SRGAP3: variants seen among roughly 807,000 people sequenced by gnomAD.
The protein encoded by SRGAP3 is SLIT-ROBO Rho GTPase activating protein 3, also known as SLIT-ROBO Rho GTPase-activating protein 3.
A neutral mutation model predicts 121.1 loss-of-function variants in SRGAP3; 39 were observed. The observed-to-expected ratio is 0.32, with a 90% CI of 0.25 to 0.42. The LOEUF (loss-of-function observed/expected upper bound fraction) is 0.42, where lower values mean the gene tolerates loss of function less well. SRGAP3 is among the 10% of genes least tolerant of loss of function. SRGAP3 has a pLI of 1.00. For missense variants in SRGAP3, 1,213 were observed against 1,470.6 expected, an observed-to-expected ratio of 0.82 and a Z score of 2.86; for synonymous variants, 601 against 570.0, an observed-to-expected ratio of 1.05 and a Z score of -0.77.
intron 1 of SRGAP3, among the ~76,000 whole-genome samples, chr3:9,196,966 A>G (rs1021388190): frequency 2.6e-5 from 4 of 152,188 alleles, no homozygotes; most frequent in Non-Finnish European, 5.9e-5. Flanking sequence ...AAAACAACAT[A>G]TTCTTTTCTA....
chr3:9,046,443 G>A (rs1945281886), intron 10 of SRGAP3, among the ~76,000 whole-genome samples: 1 of 152,226 alleles, frequency 6.6e-6, no homozygotes, highest in Non-Finnish European at 1.5e-5. Flanking sequence ...CAGCATGGCT[G>A]CGGCACAGTA....
intron 3 of SRGAP3, among the ~76,000 whole-genome samples, chr3:9,304,537 T>C (rs1299976530): frequency 1.3e-5 from 2 of 152,170 alleles, no homozygotes; most frequent in African/African-American, 2.4e-5. Flanking sequence ...AGGTAGTAAA[T>C]GGCAGAGCTG....
intron 5 of SRGAP3, among the ~76,000 whole-genome samples, chr3:9,061,106 C>A (rs1342968317): frequency 1.3e-5 from 2 of 152,114 alleles, no homozygotes; most frequent in East Asian, 3.9e-4. Context: ...GTGGCATGCA[C>A]CTATAGTCCC....
At chr3:9,157,706 G>C (rs1248075111) in intron 1 of SRGAP3, among the ~76,000 whole-genome samples, 1 of 152,154 alleles carries the variant, frequency 6.6e-6, no homozygotes, top group Non-Finnish European at 1.5e-5. Flanking sequence ...AATTATGCTG[G>C]GGGATACCAG....
At chr3:9,002,678 TTGA>T (rs1334636889) in intron 18 of SRGAP3, among the ~76,000 whole-genome samples, 1 of 151,884 alleles carries the variant, frequency 6.6e-6, no homozygotes, top group Non-Finnish European at 1.5e-5. Flanking sequence ...ATCAATGAAA[TTGA>T]CAAGCCATTA....
intron 3 of SRGAP3, among the ~76,000 whole-genome samples, chr3:9,257,693 A>G (rs1301400975): frequency 1.7e-5 from 2 of 118,580 alleles, no homozygotes; most frequent in East Asian, 2.6e-4. Flanking sequence ...TAAACAAAAT[A>G]GCTCCTTTTT....
rs143514255 is a variant in SRGAP3, at chr3:9,175,510, G to C, written c.68-50593C>G. On this transcript the variant is annotated intron_variant, in intron 1 of 21. Transcript: ENST00000383836. Reference sequence around the variant, plus strand: ...CCCCTGAGGGAAGACACAGCTGGATGGTCCCAGAAGGACCCAGCACGGGGA... The same window carrying C: ...CCCCTGAGGGAAGACACAGCTGGATCGTCCCAGAAGGACCCAGCACGGGGA... Among the ~76,000 whole-genome samples, 309 of 152,316 alleles carry C rather than the reference G, an allele frequency of 2.0e-3. 1 individual carries two copies. The highest frequency in any genetic ancestry group is 7.2e-3 in the African/African-American group (298 of 41,570).
chr3:9,314,341 A>G (rs1955306476), intron 3 of SRGAP3, among the ~76,000 whole-genome samples: 1 of 152,126 alleles, frequency 6.6e-6, no homozygotes, highest in Non-Finnish European at 1.5e-5. Flanking sequence ...GTATCACTTG[A>G]GCCTGGGAGT....
In SRGAP3 at chr3:9,013,796, G is replaced by C; in HGVS notation, c.1860C>G (p.Leu620=). The C allele has an allele frequency of 6.2e-7, 1 of 1,614,212 alleles. No homozygotes were observed. Among genetic ancestry groups the C allele is most frequent in the East Asian group, 2.2e-5 (1 of 44,882 alleles). The change falls in exon 16 of 22, where the codon CTC becomes CTG. Residue 620 remains leucine (L), a synonymous_variant. Transcript: ENST00000383836. ...CAATGACCACGCGGGGAAGGGTGAC[G>C]AGGATTTGTTGGATCTGGTGCACCC... ...AERVHQIQQI[L]VTLPRVVIVV...
intron 3 of SRGAP3, among the ~76,000 whole-genome samples, chr3:9,275,389 G>A (rs1243215345): frequency 6.6e-6 from 1 of 152,040 alleles, no homozygotes; most frequent in African/African-American, 2.4e-5. Flanking sequence ...CTGGTTAATG[G>A]AGTACAACCA....
At chr3:9,194,624 T>A (rs908692226) in intron 1 of SRGAP3, among the ~76,000 whole-genome samples, 7 of 152,136 alleles carry the variant, frequency 4.6e-5, no homozygotes, top group African/African-American at 1.7e-4. Context: ...GGTCATCTGA[T>A]CCCCTATTTT....
intron 14 of SRGAP3, among the ~76,000 whole-genome samples, chr3:9,020,499 A>T (rs541484399): frequency 6.6e-6 from 1 of 152,196 alleles, no homozygotes; most frequent in East Asian, 1.9e-4. Context: ...TCCACACATC[A>T]TTCCTGTGGT....
At chr3:9,248,426 A>C (rs1953902103) in intron 1 of SRGAP3, among the ~76,000 whole-genome samples, 1 of 152,190 alleles carries the variant, frequency 6.6e-6, no homozygotes, top group Non-Finnish European at 1.5e-5. Flanking sequence ...GGCCCAGAGA[A>C]AGAGGCGGAG....
intron 14 of SRGAP3, 137 bp downstream of exon 14, chr3:9,025,124 T>C (rs555160814): frequency 8.2e-6 from 7 of 854,546 alleles, no homozygotes; most frequent in East Asian, 4.9e-5. Flanking sequence ...GCATGTGAAG[T>C]TGGGAAGAGA....
chr3:9,218,954 T>A lies in SRGAP3; in HGVS notation c.67+29931A>T, dbSNP rs1035086414. 6.6e-6 allele frequency among the ~76,000 whole-genome samples: 1 copy of A among 152,228 alleles called. No homozygotes were observed. The highest frequency in any genetic ancestry group is 1.9e-4 in the East Asian group (1 of 5,188). ...TCCCAAAGTGTTGGGATTACAGGCG[T>A]GAGCCACTGCGCCCAGCCTATTTTA... On this transcript the variant is annotated intron_variant, in intron 1 of 21. Coordinates refer to ENST00000383836, the MANE Select transcript of SRGAP3 (RefSeq NM_014850.4). The surrounding 1 kb of genome is among the most constrained non-coding windows in gnomAD (Gnocchi z 5.3).
Position 8,980,738 on chromosome 3 carries a change from GCAA to G in SRGAP3, c.*4778_*4780del. The stretch of plus-strand genomic sequence containing the variant: ...GTAGAGAAACGATATCCAGAAGAGG[GCAA>G]CATTTATCATCACGTGGGGACAGGC... On this transcript the variant is annotated 3_prime_UTR_variant, in exon 22 of 22. Transcript: ENST00000383836. 1 of 232,898 alleles carries G rather than the reference GCAA, an allele frequency of 4.3e-6. No individual in the cohort carries two copies. 14.4% of individuals were successfully genotyped at this position (232,898 alleles called of 1,614,324 possible).
intron 3 of SRGAP3, among the ~76,000 whole-genome samples, chr3:9,259,213 CT>C (rs1553563342): frequency 6.6e-6 from 1 of 151,778 alleles, no homozygotes; most frequent in East Asian, 1.9e-4. Flanking sequence ...TTCCCTGTTT[CT>C]TTTTTTTCAT....
chr3:9,266,404 T>C (rs1181478741), intron 3 of SRGAP3, among the ~76,000 whole-genome samples: 1 of 152,042 alleles, frequency 6.6e-6, no homozygotes, highest in African/African-American at 2.4e-5. Context: ...TAGCCACATG[T>C]GGCAGGGGAT....
chr3:9,294,806 A>G (rs1338607204), intron 3 of SRGAP3, among the ~76,000 whole-genome samples: 1 of 150,760 alleles, frequency 6.6e-6, no homozygotes. Context: ...AGACTTGACT[A>G]TTACACAGTA....
Sources: allele counts gnomAD v4.1 joint callset (sites outside exome capture counted in the v4.1 genomes callset), GRCh38; gene constraint gnomAD v4.1.1; non-coding constraint Gnocchi (gnomAD v3.1); transcripts MANE v1.5; gene names NCBI Gene and HGNC (gene_info 2026-07-23, HGNC 2026-07-21).